PCDH15: variants seen among roughly 807,000 people sequenced by gnomAD.
PCDH15 encodes protocadherin related 15.
In PCDH15, 129 loss-of-function variants were observed where a neutral mutation model predicts 178.5. That is an observed-to-expected ratio of 0.72 (90% CI 0.63 to 0.84). The LOEUF is 0.84. Ranked by LOEUF, PCDH15 falls within the 40% of genes least tolerant of loss-of-function variation. PCDH15 has a pLI of 0.00. For synonymous variants in PCDH15, 800 were observed against 732.0 expected (o/e 1.09, Z -1.50); for missense variants, 2,230 against 2,099.9 (o/e 1.06, Z -1.21).
chr10:54,831,711 T>G (rs74136300), intron 3 of PCDH15, among the ~76,000 whole-genome samples: 1 of 152,154 alleles, frequency 6.6e-6, no homozygotes, highest in East Asian at 1.9e-4. Flanking sequence ...TTTCCAGGCA[T>G]ATTTTTACAT....
chr10:54,050,217 C>T (rs572532648), intron 18 of PCDH15, among the ~76,000 whole-genome samples: 1 of 152,150 alleles, frequency 6.6e-6, no homozygotes, highest in Non-Finnish European at 1.5e-5. Flanking sequence ...GTAGATTTTT[C>T]ATTACTAATT....
At chr10:54,896,115 G>C (rs961603280) in intron 3 of PCDH15, among the ~76,000 whole-genome samples, 1 of 152,084 alleles carries the variant, frequency 6.6e-6, no homozygotes, top group African/African-American at 2.4e-5. Flanking sequence ...TCGAACTCCT[G>C]ACCTTGTGAT....
chr10:54,456,957 C>G (rs562331899), intron 3 of PCDH15, among the ~76,000 whole-genome samples: 1 of 152,106 alleles, frequency 6.6e-6, no homozygotes, highest in Non-Finnish European at 1.5e-5. Context: ...GAGGCCTCCC[C>G]AGCCCTATGG....
chr10:54,706,111 A>G (rs1217799102), intron 1 of PCDH15, among the ~76,000 whole-genome samples: 1 of 152,254 alleles, frequency 6.6e-6, no homozygotes, highest in Non-Finnish European at 1.5e-5. Flanking sequence ...TTAGCAGAGT[A>G]TTTTAATCAC....
chr10:55,613,540 G>C (rs2132162352), intron 2 of PCDH15, among the ~76,000 whole-genome samples: 1 of 152,162 alleles, frequency 6.6e-6, no homozygotes, highest in Admixed American at 6.5e-5. Context: ...AGGACACCGG[G>C]AAAACAAAAA....
At chr10:54,715,292 C>G (rs1216755910) in intron 1 of PCDH15, among the ~76,000 whole-genome samples, 5 of 152,088 alleles carry the variant, frequency 3.3e-5, no homozygotes, top group African/African-American at 1.2e-4. Context: ...AAGGTGGAGG[C>G]ATAGGCAGAT....
chr10:54,843,226 C>T (rs1468990826), intron 3 of PCDH15, among the ~76,000 whole-genome samples: 1 of 151,842 alleles, frequency 6.6e-6, no homozygotes, highest in East Asian at 1.9e-4. Flanking sequence ...AAAGCTGTGC[C>T]CTGGCAGTTG....
intron 1 of PCDH15, among the ~76,000 whole-genome samples, chr10:54,796,266 C>CTATCTATG (rs1199412008): frequency 3.0e-4 from 26 of 87,160 alleles, no homozygotes; most frequent in African/African-American, 7.4e-4. Context: ...ATCTATCTAT[C>CTATCTATG]TATCTATGTA....
At chr10:55,432,779 A>C in intron 2 of PCDH15, among the ~76,000 whole-genome samples, 1 of 17,894 alleles carries the variant, frequency 5.6e-5, no homozygotes, top group South Asian at 2.0e-3. Context: ...CCCGGCTAAT[A>C]TATATATATA....
chr10:55,111,988 T>C (rs372809326), intron 2 of PCDH15, among the ~76,000 whole-genome samples: 2 of 152,360 alleles, frequency 1.3e-5, no homozygotes, highest in African/African-American at 4.8e-5. Flanking sequence ...TTGATAATGA[T>C]AGTAAATACA....
At chr10:55,179,328 A>G (rs1216270940) in intron 1 of PCDH15, among the ~76,000 whole-genome samples, 1 of 152,052 alleles carries the variant, frequency 6.6e-6, no homozygotes, top group Admixed American at 6.6e-5. Flanking sequence ...ATACAGACGA[A>G]TTCCTAGGCA....
chr10:55,334,252 G>A (rs1171677366), intron 2 of PCDH15, among the ~76,000 whole-genome samples: 93 of 103,924 alleles, frequency 8.9e-4, no homozygotes, highest in African/African-American at 3.2e-3. Context: ...ATGTGTGTGT[G>A]TGTGTGTGTG....
Position 53,827,385 on chromosome 10 carries a change from C to T in PCDH15, c.4367+8G>A, listed in dbSNP as rs727504745. 3 of 1,607,936 alleles carry T rather than the reference C, an allele frequency of 1.9e-6. No individual in the cohort carries two copies. The highest frequency in any genetic ancestry group is 1.7e-5 in the Admixed American group (1 of 59,234). On this transcript the variant is annotated splice_region_variant and intron_variant, in intron 32 of 37. Transcript: ENST00000644397. ...CTACTTCTCAGAGTTCCTGAACGGT[C>T]TACTTACATTGAGCTGTCTCCAAGT...
chr10:54,229,253 T>C (rs565422349), intron 9 of PCDH15, among the ~76,000 whole-genome samples: 47 of 152,296 alleles, frequency 3.1e-4, no homozygotes, highest in Admixed American at 6.5e-4. Context: ...TTGATGTAAT[T>C]AATACAATTA....
At chr10:55,570,620 T>C (rs1412861623) in intron 2 of PCDH15, among the ~76,000 whole-genome samples, 1 of 152,000 alleles carries the variant, frequency 6.6e-6, no homozygotes, top group Non-Finnish European at 1.5e-5. Flanking sequence ...TTTAAGAATG[T>C]CTTCTTGTAT....
chr10:55,380,925 T>A (rs573272929), intron 2 of PCDH15, among the ~76,000 whole-genome samples: 3 of 152,064 alleles, frequency 2.0e-5, no homozygotes, highest in Non-Finnish European at 4.4e-5. Flanking sequence ...AGATGAGAGG[T>A]TCAAAGCCCT....
intron 6 of PCDH15, among the ~76,000 whole-genome samples, chr10:54,334,084 C>T (rs543223847): frequency 6.6e-6 from 1 of 152,212 alleles, no homozygotes; most frequent in Non-Finnish European, 1.5e-5. Context: ...TGACTACCTG[C>T]ACTGTATTAA....
intron 2 of PCDH15, among the ~76,000 whole-genome samples, chr10:55,103,570 T>C (rs757278618): frequency 2.6e-5 from 4 of 152,300 alleles, no homozygotes; most frequent in Admixed American, 1.3e-4. Flanking sequence ...GAAATTTGTA[T>C]TGGGCCTCAT....
At chr10:55,094,948 A>AT (rs1338657924) in intron 2 of PCDH15, among the ~76,000 whole-genome samples, 2 of 66,004 alleles carry the variant, frequency 3.0e-5, no homozygotes, top group Non-Finnish European at 5.4e-5. Flanking sequence ...TTTTTTTTTT[A>AT]TCTCACTGTG....
Sources: allele counts gnomAD v4.1 joint callset (sites outside exome capture counted in the v4.1 genomes callset), GRCh38; gene constraint gnomAD v4.1.1; transcripts MANE v1.5; gene names NCBI Gene and HGNC (gene_info 2026-07-23, HGNC 2026-07-21).